The following ALDH3B1 variants were observed in gnomAD, a reference collection of about 807,000 sequenced individuals.
ALDH3B1 encodes the protein aldehyde dehydrogenase family 3 member B1.
A neutral mutation model predicts 46.2 loss-of-function variants in ALDH3B1; 37 were observed. That is an observed-to-expected ratio of 0.80 (90% confidence interval 0.62 to 1.05). The LOEUF is 1.05. Ranked by LOEUF, ALDH3B1 falls within the 50% of genes least tolerant of loss-of-function variation. ALDH3B1 has a pLI of 0.00. For missense variants in ALDH3B1, 603 were observed against 665.5 expected (o/e 0.91, Z 1.03); for synonymous variants, 283 against 281.0 (o/e 1.01, Z -0.07).
chr11:68,021,876 G>A lies in ALDH3B1; in HGVS notation c.949+5G>A. On this transcript the variant is annotated splice_donor_5th_base_variant and intron_variant, in intron 7 of 9. Transcript: ENST00000342456. ...ATGAGAGCGATCGCTACATCGGTGA[G>A]TCCTGCTGCCCCTACCACAGCCCAC... 6.3e-7 allele frequency: 1 copy of A among 1,589,726 alleles called. No individual in the cohort carries two copies. The highest frequency in any genetic ancestry group is 8.6e-7 in the Non-Finnish European group (1 of 1,166,640).
In ALDH3B1 at chr11:68,015,317, C is replaced by G; in HGVS notation, c.20C>G (p.Thr7Arg). The G allele has an allele frequency of 6.6e-7, 1 of 1,507,682 alleles. No homozygotes were observed. The highest frequency in any genetic ancestry group is 8.9e-7 in the Non-Finnish European group (1 of 1,122,156). 93.4% of individuals were successfully genotyped at this position (1,507,682 alleles called of 1,614,324 possible). Residue 7 changes from threonine (T) to arginine (R), a missense_variant, in exon 2 of 10, where the codon ACG (threonine) becomes AGG (arginine). Coordinates refer to ENST00000342456, the MANE Select transcript of ALDH3B1 (RefSeq NM_000694.4). The part of the protein sequence containing the change: MDPLGD[T>R]LRRLREAFHA... ...GGCAGGATGGACCCCCTTGGGGACACGCTGCGGCGACTGCGGGAGGCCTTC... is the reference window on the plus strand; with the variant it reads ...GGCAGGATGGACCCCCTTGGGGACAGGCTGCGGCGACTGCGGGAGGCCTTC...
chr11:68,009,833 G>A (rs1209296274), upstream of ALDH3B1, among the ~76,000 whole-genome samples: 1 of 152,092 alleles, frequency 6.6e-6, no homozygotes, highest in African/African-American at 2.4e-5. Flanking sequence ...AACCAGGCAA[G>A]GTGGTAGGAG....
intron 9 of ALDH3B1, among the ~76,000 whole-genome samples, chr11:68,027,501 T>C (rs1383990559): frequency 2.0e-5 from 3 of 152,194 alleles, no homozygotes; most frequent in Non-Finnish European, 4.4e-5. Flanking sequence ...CCCCCGGCAG[T>C]CTGACTCTGG....
chr11:68,021,275 C>T (rs990372455), intron 6 of ALDH3B1, among the ~76,000 whole-genome samples: 1 of 152,196 alleles, frequency 6.6e-6, no homozygotes, highest in African/African-American at 2.4e-5. Flanking sequence ...GCACCATTCC[C>T]TCCTGAGACT....
chr11:68,019,267 T>G lies in ALDH3B1; in HGVS notation c.480+12T>G. 1 of 1,610,368 alleles carries G rather than the reference T, an allele frequency of 6.2e-7. No individual in the cohort carries two copies. The highest frequency in any genetic ancestry group is 1.1e-5 in the South Asian group (1 of 90,174). ...AATACGTGGACCAGGTGAGCAGGGC[T>G]GCCGGGCAGGTAGAGCGGGAACAGG... On this transcript the variant is annotated intron_variant, in intron 5 of 9. Transcript: ENST00000342456.
At chr11:68,021,988 C>G in intron 7 of ALDH3B1, 117 bp downstream of exon 7, 1 of 1,483,774 alleles carries the variant, frequency 6.7e-7, no homozygotes, top group Non-Finnish European at 9.0e-7. Flanking sequence ...ACTGCCAGAG[C>G]CCGGCCTTGA....
rs371253831 is a variant in ALDH3B1, at chr11:68,027,767, G to T, written c.1235G>T (p.Arg412Leu). 1.3e-6 allele frequency: 2 copies of T among 1,558,012 alleles called. No homozygotes were observed. The highest frequency in any genetic ancestry group is 2.4e-5 in the South Asian group (2 of 84,536). Residue 412 changes from arginine to leucine, a missense_variant, in exon 10 of 10, where the codon CGG becomes CTG. Physicochemically the swap from Arg to Leu is moderately radical, Grantham distance 102. Coordinates refer to ENST00000342456, the MANE Select transcript of ALDH3B1 (RefSeq NM_000694.4). ...TGTACAGGTGCCAGTGGGATGGGCC[G>T]GTACCATGGCAAGTTCTCCTTCGAC... ...FGGVGASGMG[R>L]YHGKFSFDTF...
intron 6 of ALDH3B1, among the ~76,000 whole-genome samples, chr11:68,021,048 G>A (rs1194922860): frequency 1.3e-5 from 2 of 152,202 alleles, no homozygotes; most frequent in African/African-American, 2.4e-5. Context: ...CCAGGTTTAG[G>A]TTTAGAGAAG....
In ALDH3B1 at chr11:68,018,754, T is replaced by C. The variant is rs1222594429; in HGVS notation, c.274-19T>C. ...CCGGGGTGCTGAGCACTTAATTTCA[T>C]CCCCGGCTCCCGGCCCAGGCCACGC... On this transcript the variant is annotated intron_variant, in intron 3 of 9. Transcript: ENST00000342456. 6.4e-7 allele frequency: 1 copy of C among 1,550,946 alleles called. No individual in the cohort carries two copies. Among genetic ancestry groups the C allele is most frequent in the South Asian group, 1.2e-5 (1 of 84,064 alleles).
Position 68,028,934 on chromosome 11 carries a change from C to G in ALDH3B1, c.*995C>G, listed in dbSNP as rs1017285259. The G allele has an allele frequency of 1.3e-5, 2 of 152,304 alleles. No homozygotes were observed. Among genetic ancestry groups the G allele is most frequent in the Non-Finnish European group, 2.9e-5 (2 of 68,102 alleles). 9.4% of individuals were successfully genotyped at this position (152,304 alleles called of 1,614,324 possible). A position where few individuals can be genotyped will look rare whatever the true frequency, so the allele number is the denominator to read the frequency against. ...TGCCCACTACGAGTCATACTCTTCC[C>G]CATGCTGCTCATCCTCCTGGGCCCC... On this transcript the variant is annotated 3_prime_UTR_variant, in exon 10 of 10. Coordinates refer to ENST00000342456, the MANE Select transcript of ALDH3B1 (RefSeq NM_000694.4).
upstream of ALDH3B1, among the ~76,000 whole-genome samples, chr11:68,009,962 A>T (rs539458534): frequency 3.3e-5 from 5 of 152,228 alleles, no homozygotes; most frequent in East Asian, 9.6e-4. Context: ...TAATATTATA[A>T]TAGAATATAA....
chr11:68,019,566 C>A, intron 5 of ALDH3B1, 149 bp from the exon 6 acceptor site: 1 of 826,592 alleles, frequency 1.2e-6, no homozygotes, highest in Non-Finnish European at 1.9e-6. Flanking sequence ...TCCCTTCTCC[C>A]CACTTTGCCT....
chr11:68,015,517 G>C (rs1368098937), intron 2 of ALDH3B1, 58 bp downstream of exon 2: 2 of 1,551,968 alleles, frequency 1.3e-6, no homozygotes, highest in Non-Finnish European at 1.7e-6. Flanking sequence ...ATGGAGGGCA[G>C]CTGGGACAGC....
chr11:68,013,101 G>C (rs1170552347), intron 1 of ALDH3B1, among the ~76,000 whole-genome samples: 1 of 152,152 alleles, frequency 6.6e-6, no homozygotes, highest in African/African-American at 2.4e-5. Flanking sequence ...TGGCTGCCCA[G>C]CACCCTCGGG....
intron 2 of ALDH3B1, chr11:68,018,229 AC>A (rs1857393865): frequency 4.7e-6 from 2 of 428,548 alleles, no homozygotes; most frequent in South Asian, 2.6e-5. Flanking sequence ...AGCAGTCTCC[AC>A]CCCCACCCTG....
chr11:68,020,603 C>T (rs769773787), intron 6 of ALDH3B1, among the ~76,000 whole-genome samples: 23 of 152,284 alleles, frequency 1.5e-4, no homozygotes, highest in African/African-American at 5.1e-4. Context: ...GGCGAGTCTG[C>T]GCCTTACAGG....
At chr11:68,012,999 C>A (rs970745989) in intron 1 of ALDH3B1, among the ~76,000 whole-genome samples, 2 of 152,148 alleles carry the variant, frequency 1.3e-5, no homozygotes, top group African/African-American at 4.8e-5. Flanking sequence ...CTCCTTACAA[C>A]CTCACACTGT....
chr11:68,015,373 CG>C lies in ALDH3B1; in HGVS notation c.79del (p.Ala27LeufsTer56). ...HAGRTRPAEF[R>X]AAQLQGLGRF... The stretch of plus-strand genomic sequence containing the variant: ...GGGGCGCACGCGGCCAGCTGAGTTC[CG>C]GGCTGCGCAGCTCCAAGGCCTGGGC... On this transcript the variant is annotated frameshift_variant, in exon 2 of 10. Transcript: ENST00000342456. LOFTEE classifies it high-confidence loss of function. 6.4e-7 allele frequency: 1 copy of C among 1,550,388 alleles called. No individual in the cohort carries two copies.
chr11:68,021,895 A>C, intron 7 of ALDH3B1, 24 bp downstream of exon 7: 1 of 1,567,966 alleles, frequency 6.4e-7, no homozygotes, highest in Non-Finnish European at 8.7e-7. Flanking sequence ...CCCCTACCAC[A>C]GCCCACCTGG....
Sources: allele counts gnomAD v4.1 joint callset (sites outside exome capture counted in the v4.1 genomes callset), GRCh38; gene constraint gnomAD v4.1.1; transcripts MANE v1.5; gene names NCBI Gene and HGNC (gene_info 2026-07-23, HGNC 2026-07-21).